LHFPL7: variants seen among roughly 807,000 people sequenced by gnomAD.
LHFPL7 encodes the protein LHFPL tetraspan subfamily member 7.
At chr22:24,938,702 A>C in the LHFPL7 span, among the ~76,000 whole-genome samples, 1 of 152,178 alleles carries the variant, frequency 6.6e-6, no homozygotes, top group African/African-American at 2.4e-5. Context: ...CCCTTATAAC[A>C]ATCAATTTTG....
the LHFPL7 span, among the ~76,000 whole-genome samples, chr22:24,942,866 G>T: frequency 6.6e-6 from 1 of 151,282 alleles, no homozygotes; most frequent in African/African-American, 2.4e-5. Context: ...GGGAGTGAGG[G>T]TTGTTGTGAA....
At chr22:24,941,140 G>A in the LHFPL7 span, among the ~76,000 whole-genome samples, 1 of 150,866 alleles carries the variant, frequency 6.6e-6, no homozygotes, top group African/African-American at 2.4e-5. Context: ...TGCTGTATGC[G>A]TGCATTTCTC....
At chr22:24,939,533 C>T in the LHFPL7 span, 2 of 702,920 alleles carry the variant, frequency 2.8e-6, no homozygotes, top group Non-Finnish European at 2.6e-6. Context: ...CACTGCTCAA[C>T]ATTAGGCAGT....
At chr22:24,940,156 G>A in the LHFPL7 span, among the ~76,000 whole-genome samples, 1 of 149,710 alleles carries the variant, frequency 6.7e-6, no homozygotes, top group African/African-American at 2.4e-5. Flanking sequence ...TCGATCTCCT[G>A]ACCTTGTGAT....
chr22:24,939,678 G>A, the LHFPL7 span: 2 of 631,660 alleles, frequency 3.2e-6, no homozygotes, highest in Non-Finnish European at 2.9e-6. Context: ...AGCCCCCCTT[G>A]AGCCTGGAGA....
At chr22:24,941,351 T>G in the LHFPL7 span, among the ~76,000 whole-genome samples, 2 of 151,982 alleles carry the variant, frequency 1.3e-5, no homozygotes, top group Middle Eastern at 3.2e-3. Flanking sequence ...GTATTTTTAG[T>G]AGAGATGGGG....
the LHFPL7 span, among the ~76,000 whole-genome samples, chr22:24,944,111 C>T: frequency 6.6e-6 from 1 of 152,114 alleles, no homozygotes; most frequent in Non-Finnish European, 1.5e-5. Flanking sequence ...TCCATGTGCT[C>T]ACTCATTCAA....
chr22:24,937,165 C>A, the LHFPL7 span, among the ~76,000 whole-genome samples: 4 of 152,098 alleles, frequency 2.6e-5, no homozygotes, highest in Admixed American at 6.6e-5. Context: ...AAATATAAAG[C>A]AAAGTAAGAA....
the LHFPL7 span, among the ~76,000 whole-genome samples, chr22:24,940,675 C>CCTTCCT: frequency 1.1e-3 from 20 of 17,918 alleles, no homozygotes; most frequent in Middle Eastern, 0.038. Flanking sequence ...CCTTCCTTCC[C>CCTTCCT]TCCTTCCTTC....
chr22:24,935,399 T>G, the LHFPL7 span: 1 of 1,614,082 alleles, frequency 6.2e-7, no homozygotes, highest in South Asian at 1.1e-5. Flanking sequence ...TGGTCCTCCC[T>G]TGGACCTTGG....
the LHFPL7 span, among the ~76,000 whole-genome samples, chr22:24,938,976 G>C: frequency 6.6e-6 from 1 of 152,192 alleles, no homozygotes; most frequent in South Asian, 2.1e-4. Context: ...TCCTAAAGAA[G>C]GGGCACCTTT....
At chr22:24,944,817 G>A in the LHFPL7 span, among the ~76,000 whole-genome samples, 17 of 151,416 alleles carry the variant, frequency 1.1e-4, no homozygotes, top group Non-Finnish European at 2.4e-4. Context: ...GTTTTGTTTT[G>A]TTTTTGTTTT....
the LHFPL7 span, among the ~76,000 whole-genome samples, chr22:24,941,541 T>C: frequency 1.3e-5 from 2 of 152,074 alleles, no homozygotes; most frequent in South Asian, 4.1e-4. Flanking sequence ...GACACAAATA[T>C]TCAGTCCATA....
the LHFPL7 span, among the ~76,000 whole-genome samples, chr22:24,939,924 C>CTT: frequency 1.5e-3 from 134 of 86,984 alleles, 9 homozygotes; most frequent in Middle Eastern, 6.8e-3. Context: ...TCATTTATCG[C>CTT]TTTTTTTTTT....
chr22:24,941,501 G>A, the LHFPL7 span, among the ~76,000 whole-genome samples: 1 of 151,938 alleles, frequency 6.6e-6, no homozygotes, highest in Non-Finnish European at 1.5e-5. Flanking sequence ...CACCTTGGGG[G>A]TTAGGGTTTC....
At chr22:24,935,331 T>A in the LHFPL7 span, 2 of 1,611,252 alleles carry the variant, frequency 1.2e-6, no homozygotes, top group Middle Eastern at 1.7e-4. Context: ...CCCAGGAGAT[T>A]TTTATTTGTT....
chr22:24,939,924 C>CTTTTTTTTTTTTTTTTTTT, the LHFPL7 span, among the ~76,000 whole-genome samples: 6 of 86,992 alleles, frequency 6.9e-5, 1 homozygote, highest in African/African-American at 2.6e-4. Flanking sequence ...TCATTTATCG[C>CTTTTTTTTTTTTTTTTTTT]TTTTTTTTTT....
the LHFPL7 span, chr22:24,935,098 C>A: frequency 1.9e-6 from 1 of 525,610 alleles, no homozygotes; most frequent in Admixed American, 3.2e-5. Flanking sequence ...ATGTGCCAGA[C>A]ATGGTGCAAA....
chr22:24,937,753 G>T, the LHFPL7 span, among the ~76,000 whole-genome samples: 2 of 152,184 alleles, frequency 1.3e-5, no homozygotes, highest in Non-Finnish European at 2.9e-5. Flanking sequence ...AGTCTTGCAG[G>T]TTCACAGTTT....
Sources: gnomAD v4.1 joint callset for allele counts (sites outside exome capture counted in the v4.1 genomes callset) on GRCh38, gnomAD v4.1.1 for gene constraint, MANE v1.5 for transcripts, NCBI Gene and HGNC (gene_info 2026-07-23, HGNC 2026-07-21) for gene names.